Variants in SERGEF observed in about 807,000 individuals in gnomAD.
The protein encoded by SERGEF is secretion regulating guanine nucleotide exchange factor, also known as secretion-regulating guanine nucleotide exchange factor.
Under a neutral mutation model 50.0 loss-of-function variants are expected in SERGEF, and 51 were observed. That is an observed-to-expected ratio of 1.02 (90% CI 0.81 to 1.29). The LOEUF is 1.29. SERGEF is among the 50% of genes most tolerant of loss of function. The pLI, the probability that SERGEF is intolerant of heterozygous loss-of-function variation, is 0.00. For synonymous variants in SERGEF, 205 were observed against 212.4 expected (o/e 0.97, Z 0.30); for missense variants, 521 against 557.0 (o/e 0.94, Z 0.65).
intron 8 of SERGEF, 31 bp from the exon 9 acceptor site, chr11:17,959,667 A>G (rs1253830738): frequency 6.3e-7 from 1 of 1,582,380 alleles, no homozygotes. Flanking sequence ...AATTAAGACT[A>G]CATTCCACAG....
chr11:17,916,701 T>C (rs1030294327), intron 9 of SERGEF, among the ~76,000 whole-genome samples: 2 of 152,260 alleles, frequency 1.3e-5, no homozygotes, highest in African/African-American at 4.8e-5. Context: ...TTTTTGTTGC[T>C]GTGTAATAAT....
intron 8 of SERGEF, among the ~76,000 whole-genome samples, chr11:17,964,237 G>A (rs771412911): frequency 3.9e-5 from 6 of 152,090 alleles, no homozygotes; most frequent in Non-Finnish European, 7.4e-5. Context: ...AATGAAAGGG[G>A]AGAGAGTAAG....
chr11:17,907,857 A>G (rs1851878980), intron 9 of SERGEF, among the ~76,000 whole-genome samples: 1 of 152,182 alleles, frequency 6.6e-6, no homozygotes. Flanking sequence ...AGACAGCAAA[A>G]AGGAACTGCT....
chr11:17,969,382 T>C (rs552013412), intron 8 of SERGEF, among the ~76,000 whole-genome samples: 26 of 152,332 alleles, frequency 1.7e-4, no homozygotes, highest in African/African-American at 6.3e-4. Flanking sequence ...AAATGCAGAT[T>C]GCTGCCTAAT....
At chr11:17,803,997 G>A (rs903885734) in intron 10 of SERGEF, among the ~76,000 whole-genome samples, 4 of 152,222 alleles carry the variant, frequency 2.6e-5, no homozygotes, top group African/African-American at 9.6e-5. Flanking sequence ...TGGTACCGGG[G>A]GAAGGGCAGT....
At chr11:17,998,432 CATACATACATATATATATATATATAT>C (rs1236951687) in intron 5 of SERGEF, among the ~76,000 whole-genome samples, 7 of 55,884 alleles carry the variant, frequency 1.3e-4, no homozygotes, top group African/African-American at 9.9e-4. Flanking sequence ...TACATACATA[CATACATACATATATATATATATATAT>C]ATATATATAT....
At chr11:17,997,712 C>T (rs893441554) in intron 5 of SERGEF, among the ~76,000 whole-genome samples, 9 of 152,092 alleles carry the variant, frequency 5.9e-5, no homozygotes, top group South Asian at 4.1e-4. Context: ...ATCTAAACGC[C>T]GATATATCCT....
chr11:17,840,756 C>T (rs1850486512), intron 10 of SERGEF, among the ~76,000 whole-genome samples: 1 of 152,170 alleles, frequency 6.6e-6, no homozygotes, highest in African/African-American at 2.4e-5. Flanking sequence ...AAGTCAGCAG[C>T]TCAGCATCCT....
intron 10 of SERGEF, among the ~76,000 whole-genome samples, chr11:17,862,159 T>C (rs1204939654): frequency 6.6e-6 from 1 of 152,176 alleles, no homozygotes; most frequent in Non-Finnish European, 1.5e-5. Flanking sequence ...CTCCATACTT[T>C]TGTTCATGTT....
rs77165363 is a variant in SERGEF at position 17,909,782 on chromosome 11, A to C, written c.1012-31538T>G. Among the ~76,000 whole-genome samples, 1,402 of 150,338 alleles carry C rather than the reference A, an allele frequency of 9.3e-3. 124 individuals carry two copies. In the East Asian group the frequency reaches 0.21, roughly 22 times the overall value. ...TAGAAACCAGGTCCTCCAATCTTAG[A>C]CATTAAAATGTCATATATCCAAGAA... On this transcript the variant is annotated intron_variant, in intron 9 of 10. Coordinates refer to ENST00000265965, the MANE Select transcript of SERGEF (RefSeq NM_012139.4).
At chr11:17,974,277 T>C (rs1015323937) in intron 8 of SERGEF, among the ~76,000 whole-genome samples, 3 of 152,168 alleles carry the variant, frequency 2.0e-5, no homozygotes, top group African/African-American at 7.2e-5. Flanking sequence ...AATGTGACCT[T>C]TTGTAAAAAC....
intron 10 of SERGEF, among the ~76,000 whole-genome samples, chr11:17,803,887 G>A (rs1199668378): frequency 6.6e-6 from 1 of 152,208 alleles, no homozygotes; most frequent in East Asian, 1.9e-4. Flanking sequence ...ATTACTGTTT[G>A]TCTGAGGCAT....
chr11:17,892,510 A>G (rs1336089678), intron 9 of SERGEF, among the ~76,000 whole-genome samples: 1 of 152,232 alleles, frequency 6.6e-6, no homozygotes, highest in Non-Finnish European at 1.5e-5. Flanking sequence ...TGCCAAGACC[A>G]GAAGAACCAC....
At chr11:17,984,131 T>C (rs562605956) in intron 8 of SERGEF, among the ~76,000 whole-genome samples, 3 of 152,328 alleles carry the variant, frequency 2.0e-5, no homozygotes, top group African/African-American at 7.2e-5. Flanking sequence ...GAAGAGATCT[T>C]TCAACTGAGG....
intron 9 of SERGEF, among the ~76,000 whole-genome samples, chr11:17,914,899 T>C (rs1852020797): frequency 6.6e-6 from 1 of 152,134 alleles, no homozygotes. Context: ...CGGAAACAGA[T>C]ACTAAACAGA....
At chr11:18,005,517 C>T (rs914810049) in intron 3 of SERGEF, among the ~76,000 whole-genome samples, 1 of 152,154 alleles carries the variant, frequency 6.6e-6, no homozygotes, top group African/African-American at 2.4e-5. Context: ...AAGGCCAACG[C>T]TAAAAAGCTA....
intron 10 of SERGEF, among the ~76,000 whole-genome samples, chr11:17,792,798 T>A (rs911200608): frequency 3.3e-5 from 5 of 152,198 alleles, no homozygotes; most frequent in Non-Finnish European, 7.3e-5. Context: ...GAAGTCTGCA[T>A]GTTACATCCC....
chr11:17,817,573 C>T (rs1850002602), intron 10 of SERGEF, among the ~76,000 whole-genome samples: 1 of 152,172 alleles, frequency 6.6e-6, no homozygotes, highest in Non-Finnish European at 1.5e-5. Context: ...TCTATCATTA[C>T]ACCCATTTTA....
intron 10 of SERGEF, chr11:17,866,814 T>A (rs1250076113): frequency 6.6e-6 from 1 of 152,238 alleles, no homozygotes; most frequent in Non-Finnish European, 1.5e-5. Flanking sequence ...TGGGGAGGCC[T>A]CACAATCGTG....
Sources: gnomAD v4.1 joint callset for allele counts (sites outside exome capture counted in the v4.1 genomes callset) on GRCh38, gnomAD v4.1.1 for gene constraint, MANE v1.5 for transcripts, NCBI Gene and HGNC (gene_info 2026-07-23, HGNC 2026-07-21) for gene names.